HIBCH: variants seen among roughly 807,000 people sequenced by gnomAD.
HIBCH encodes the protein 3-hydroxyisobutyryl-CoA hydrolase, mitochondrial.
In HIBCH, 50 loss-of-function variants were observed where a neutral mutation model predicts 58.2. That is an observed-to-expected ratio of 0.86 (90% CI 0.68 to 1.09). The LOEUF (loss-of-function observed/expected upper bound fraction) is 1.09. Ranked by LOEUF, HIBCH falls within the 50% of genes least tolerant of loss-of-function variation. The pLI is 0.00. For synonymous variants in HIBCH, 151 were observed against 146.9 expected (o/e 1.03, Z -0.20); for missense variants, 450 against 449.7 (o/e 1.00, Z -0.01).
At chr2:190,251,452 C>T (rs1286367240) in intron 8 of HIBCH, 5 of 395,614 alleles carry the variant, frequency 1.3e-5, no homozygotes, top group Non-Finnish European at 2.6e-5. Context: ...CAAAATACAT[C>T]CTAAGTCTCT....
chr2:190,249,222 G>C (rs113579400), intron 9 of HIBCH, among the ~76,000 whole-genome samples: 4 of 152,124 alleles, frequency 2.6e-5, no homozygotes, highest in African/African-American at 4.8e-5. Flanking sequence ...AAAGATTCTT[G>C]GCTCTTATAA....
rs1687702336 is a variant in HIBCH, at chr2:190,281,452, G to A, written c.438+6134C>T. Among the ~76,000 whole-genome samples the A allele has an allele frequency of 6.6e-6, 1 of 152,158 alleles. No homozygotes were observed. On this transcript the variant is annotated intron_variant, in intron 6 of 13. Coordinates refer to ENST00000359678, the MANE Select transcript of HIBCH (RefSeq NM_014362.4). The surrounding 1 kb of genome is among the most constrained non-coding windows in gnomAD (Gnocchi z 5.4). Reference sequence around the variant, plus strand: ...GCCCCGGGCGGTAAGCTTATAGGGGGAGGCCCAAGTCCATCACCCAAAACC... The same window carrying A: ...GCCCCGGGCGGTAAGCTTATAGGGGAAGGCCCAAGTCCATCACCCAAAACC...
At chr2:190,317,377 A>G (rs1328569291) in intron 1 of HIBCH, among the ~76,000 whole-genome samples, 2 of 152,224 alleles carry the variant, frequency 1.3e-5, no homozygotes, top group Non-Finnish European at 2.9e-5. Context: ...TACATAAGGA[A>G]CAGTAGGAAA....
chr2:190,316,445 C>T (rs910494497), intron 1 of HIBCH, among the ~76,000 whole-genome samples: 5 of 152,072 alleles, frequency 3.3e-5, no homozygotes, highest in Non-Finnish European at 7.4e-5. Context: ...AAACTACTAA[C>T]ATTATCTGGA....
rs1690020049 is a variant in HIBCH at position 190,197,195 on chromosome 2, C to T, written c.*18-7198G>A. 6.6e-6 allele frequency among the ~76,000 whole-genome samples: 1 copy of T among 152,150 alleles called. No individual in the cohort carries two copies. Among genetic ancestry groups the T allele is most frequent in the African/African-American group, 2.4e-5 (1 of 41,430 alleles). On this transcript the variant is annotated intron_variant, in intron 1 of 1. Coordinates refer to the HIBCH transcript ENST00000399855. The surrounding 1 kb of genome is among the most constrained non-coding windows in gnomAD (Gnocchi z 4.0). Reference sequence around the variant, plus strand: ...ATGAATTTGGAGAAGCCACAAACATCCTAGCTCACAAGCCTAAGTCATAGC... The same window carrying T: ...ATGAATTTGGAGAAGCCACAAACATTCTAGCTCACAAGCCTAAGTCATAGC...
At chr2:190,299,504 T>TACAC (rs1553506569) in intron 2 of HIBCH, among the ~76,000 whole-genome samples, 1,581 of 151,420 alleles carry the variant, frequency 0.01, 30 homozygotes, top group African/African-American at 0.035. Context: ...CAAAGTCTGA[T>TACAC]ACACACACAC....
At chr2:190,299,317 T>C (rs1559060485) in intron 2 of HIBCH, among the ~76,000 whole-genome samples, 1 of 152,218 alleles carries the variant, frequency 6.6e-6, no homozygotes, top group Non-Finnish European at 1.5e-5. Flanking sequence ...TTGTTAAAAT[T>C]ATCAGATAAA....
intron 1 of HIBCH, chr2:190,311,163 A>C (rs1418826281): frequency 1.5e-5 from 6 of 400,040 alleles, no homozygotes; most frequent in Non-Finnish European, 2.4e-5. Flanking sequence ...ACATACTACT[A>C]AGCAAAAGAA....
intron 2 of HIBCH, among the ~76,000 whole-genome samples, chr2:190,297,435 A>T (rs947198830): frequency 2.0e-5 from 3 of 152,256 alleles, no homozygotes; most frequent in South Asian, 2.1e-4. Flanking sequence ...GCACATGCTA[A>T]GCCATAAGCA....
At chr2:190,260,464 C>T (rs139112753) in intron 7 of HIBCH, 1 of 152,180 alleles carries the variant, frequency 6.6e-6, no homozygotes, top group African/African-American at 2.4e-5. Context: ...GATGTCAATT[C>T]TCTCTAAATT....
Position 190,296,842 on chromosome 2 carries a change from T to G in HIBCH, c.190A>C (p.Met64Leu), listed in dbSNP as rs751220991. The change falls in exon 3 of 14, where the codon ATG (methionine) becomes CTG (leucine). Residue 64 changes from methionine (M) to leucine (L), a missense_variant. Transcript: ENST00000359678. ...AGCTGTGGATAAATCTGCCGAATCA[T>G]ATTAAGAGTCAGTGCATTGAGGAAC... is the stretch of plus-strand genomic sequence containing the variant. The part of the protein sequence containing the change: ...PKFLNALTLN[M>L]IRQIYPQLKK... The G allele has an allele frequency of 6.2e-7, 1 of 1,614,074 alleles. No homozygotes were observed. The highest frequency in any genetic ancestry group is 8.5e-7 in the Non-Finnish European group (1 of 1,179,918).
chr2:190,312,238 T>C (rs566430848), intron 1 of HIBCH, among the ~76,000 whole-genome samples: 6 of 152,250 alleles, frequency 3.9e-5, no homozygotes, highest in Middle Eastern at 3.2e-3. Flanking sequence ...TCATTATGCT[T>C]TGGGCTTTTT....
intron 4 of HIBCH, among the ~76,000 whole-genome samples, chr2:190,291,196 T>C (rs1424215508): frequency 2.6e-5 from 4 of 152,176 alleles, no homozygotes; most frequent in African/African-American, 7.2e-5. Context: ...GCCACATTCA[T>C]TTCCCCCATA....
At position 190,226,876 on chromosome 2, in the gene HIBCH, G is replaced by A. The variant is rs570822448; in HGVS notation, c.892-13801C>T. ...ACCTAAAATCCAACTTACAAGGGATGTGAAGGACCTCTTCAAGGAGAACTA... is the reference window on the plus strand; with the variant it reads ...ACCTAAAATCCAACTTACAAGGGATATGAAGGACCTCTTCAAGGAGAACTA... On this transcript the variant is annotated intron_variant, in intron 11 of 13. Transcript: ENST00000359678. 1.9e-4 allele frequency among the ~76,000 whole-genome samples: 29 copies of A among 152,294 alleles called. No homozygotes were observed. In the East Asian group the frequency reaches 2.7e-3, roughly 14 times the overall value.
chr2:190,319,708 T>C lies in HIBCH; in HGVS notation c.35+8A>G. The C allele has an allele frequency of 6.2e-7, 1 of 1,610,542 alleles. No homozygotes were observed. Among genetic ancestry groups the C allele is most frequent in the Non-Finnish European group, 8.5e-7 (1 of 1,177,256 alleles). On this transcript the variant is annotated splice_region_variant and intron_variant, in intron 1 of 13. Coordinates refer to ENST00000359678, the MANE Select transcript of HIBCH (RefSeq NM_014362.4). ...AGCCTGCCCTTGGCCCCTCGCTCTC[T>C]CACTCACCTCGACATGAGCCTCCAC...
At position 190,193,810 on chromosome 2, in the gene HIBCH, T is replaced by C. The variant is rs74741415; in HGVS notation, c.*18-3813A>G. Among the ~76,000 whole-genome samples, 134 of 152,252 alleles carry C rather than the reference T, an allele frequency of 8.8e-4. 2 individuals carry two copies. The East Asian group carries it at 0.021, about 24-fold the overall frequency. On this transcript the variant is annotated intron_variant, in intron 1 of 1. Transcript: ENST00000399855. ...TCGTATGCTTCACTGATTTCTGTTC[T>C]TACCTACTTCTGTCTACTTATTTTG...
chr2:190,294,502 T>G, intron 4 of HIBCH, 44 bp downstream of exon 4: 2 of 1,216,808 alleles, frequency 1.6e-6, no homozygotes, highest in East Asian at 4.7e-5. Flanking sequence ...TGATCAGTTC[T>G]AGTAGGGGGA....
At chr2:190,235,275 G>A (rs756631684) in intron 11 of HIBCH, among the ~76,000 whole-genome samples, 4 of 152,122 alleles carry the variant, frequency 2.6e-5, no homozygotes, top group East Asian at 1.9e-4. Flanking sequence ...CAGATGTACC[G>A]AATCTCAAGA....
chr2:190,305,194 G>C (rs1022885958), intron 2 of HIBCH, among the ~76,000 whole-genome samples: 1 of 152,084 alleles, frequency 6.6e-6, no homozygotes, highest in Non-Finnish European at 1.5e-5. Context: ...AAGGAGGGGG[G>C]AATCCTTTTA....
Sources: allele counts gnomAD v4.1 joint callset (sites outside exome capture counted in the v4.1 genomes callset), GRCh38; gene constraint gnomAD v4.1.1; non-coding constraint Gnocchi (gnomAD v3.1); transcripts MANE v1.5; gene names NCBI Gene and HGNC (gene_info 2026-07-23, HGNC 2026-07-21).